SIRPB1: variants seen among roughly 807,000 people sequenced by gnomAD.
SIRPB1 encodes signal-regulatory protein beta-1.
Under a neutral mutation model 34.1 loss-of-function variants are expected in SIRPB1, and 28 were observed. The observed-to-expected ratio is 0.82, with a 90% CI of 0.61 to 1.12. The LOEUF is 1.12. Among genes scored for constraint, SIRPB1 ranks in the 50% most tolerant of loss-of-function variants. The probability of loss-of-function intolerance (pLI) is 0.00; values close to 1 mark genes in which losing one functional copy is unlikely to be tolerated. For missense variants in SIRPB1, 499 were observed against 507.0 expected, an observed-to-expected ratio of 0.98 and a Z score of 0.15; for synonymous variants, 211 against 203.8, an observed-to-expected ratio of 1.04 and a Z score of -0.30.
intron 2 of SIRPB1, among the ~76,000 whole-genome samples, chr20:1,572,666 C>T (rs1364454042): frequency 1.5e-4 from 23 of 152,050 alleles, no homozygotes; most frequent in Non-Finnish European, 1.5e-5. Context: ...CCAGACTTTA[C>T]AGATACACAG....
At chr20:1,613,664 A>G (rs1450225785) in intron 1 of SIRPB1, among the ~76,000 whole-genome samples, 4 of 152,286 alleles carry the variant, frequency 2.6e-5, no homozygotes, top group Non-Finnish European at 2.9e-5. Context: ...AGATGGTATA[A>G]TTGAAATTAT....
chr20:1,617,255 C>T (rs756686943), intron 1 of SIRPB1, among the ~76,000 whole-genome samples: 2 of 152,104 alleles, frequency 1.3e-5, no homozygotes, highest in African/African-American at 2.4e-5. Context: ...TCCATTGCAG[C>T]ATTATTTACA....
intron 4 of SIRPB1, among the ~76,000 whole-genome samples, chr20:1,569,043 G>A (rs2091185273): frequency 6.6e-6 from 1 of 152,108 alleles, no homozygotes; most frequent in Admixed American, 6.5e-5. Flanking sequence ...GGTTATGAGA[G>A]GATATTATGA....
chr20:1,617,890 T>A (rs992597900), intron 1 of SIRPB1, among the ~76,000 whole-genome samples: 4 of 152,174 alleles, frequency 2.6e-5, no homozygotes, highest in African/African-American at 9.7e-5. Context: ...AAATCTCCTG[T>A]GTGTGCATGT....
rs1485469852 is a variant in SIRPB1 at position 1,619,989 on chromosome 20, G to A, written c.-45C>T. 1.3e-6 allele frequency: 2 copies of A among 1,564,172 alleles called. No individual in the cohort carries two copies. Among genetic ancestry groups the A allele is most frequent in the South Asian group, 1.2e-5 (1 of 86,114 alleles). On this transcript the variant is annotated 5_prime_UTR_variant, in exon 1 of 6. Transcript: ENST00000381605. Reference sequence around the variant, plus strand: ...TGCTCTGTCCAAACGTCTGTGCTGGGAAGATCGCAGACTCTGCTCTGAGGA... The same window carrying A: ...TGCTCTGTCCAAACGTCTGTGCTGGAAAGATCGCAGACTCTGCTCTGAGGA...
rs1009992288 is a variant in SIRPB1, at chr20:1,562,478, C to G, written c.*3022G>C. Among the ~76,000 whole-genome samples, 1 of 151,190 alleles carries G rather than the reference C, an allele frequency of 6.6e-6. No homozygotes were observed. Among genetic ancestry groups the G allele is most frequent in the Non-Finnish European group, 1.5e-5 (1 of 67,868 alleles). On this transcript the variant is annotated 3_prime_UTR_variant, in exon 6 of 6. Coordinates refer to ENST00000381605, the MANE Select transcript of SIRPB1 (RefSeq NM_006065.5). ...CACGATATAACTGACATTCCATTTGCGTAACATAGATAAATACAGGCAGTT... is the reference window on the plus strand; with the variant it reads ...CACGATATAACTGACATTCCATTTGGGTAACATAGATAAATACAGGCAGTT...
chr20:1,578,417 G>A lies in SIRPB1; in HGVS notation c.354C>T (p.Tyr118=). The change falls in exon 2 of 6, where the codon TAC becomes TAT. Residue 118 remains tyrosine, a synonymous_variant. Coordinates refer to ENST00000381605, the MANE Select transcript of SIRPB1 (RefSeq NM_006065.5). ...SNITPADAGT[Y]YCVKFRKGSP... ...TCCCTTTCCGGAACTTCACACAGTAGTAGGTGCCGGCGTCTGCTGGGGTGA... is the reference window on the plus strand; with the variant it reads ...TCCCTTTCCGGAACTTCACACAGTAATAGGTGCCGGCGTCTGCTGGGGTGA... The A allele has an allele frequency of 1.3e-6, 2 of 1,585,564 alleles. 1 individual carries two copies. The highest frequency in any genetic ancestry group is 2.2e-5 in the South Asian group (2 of 90,516).
intron 1 of SIRPB1, among the ~76,000 whole-genome samples, chr20:1,603,521 G>A (rs2091485256): frequency 2.0e-5 from 1 of 48,952 alleles, no homozygotes; most frequent in Non-Finnish European, 3.9e-5. Flanking sequence ...GATGAGAAAC[G>A]GGAATGTAAC....
In SIRPB1 at chr20:1,578,667, A is replaced by G; in HGVS notation, c.104T>C (p.Val35Ala). The stretch of plus-strand genomic sequence containing the variant: ...TGATACGGACTTTTCAGGCTGAATC[A>G]CCTGTAGCTCGTCCTCACCTGCCAC... ...TGVAGEDELQ[V>A]IQPEKSVSVA... The change falls in exon 2 of 6, where the codon GTG (valine) becomes GCG (alanine). Residue 35 changes from valine (V) to alanine (A), a missense_variant. Physicochemically the swap from Val to Ala is moderately conservative, Grantham distance 64 (BLOSUM62 0). Coordinates refer to ENST00000381605, the MANE Select transcript of SIRPB1 (RefSeq NM_006065.5). The G allele has an allele frequency of 6.3e-7, 1 of 1,583,186 alleles. No individual in the cohort carries two copies. Among genetic ancestry groups the G allele is most frequent in the Non-Finnish European group, 8.6e-7 (1 of 1,157,108 alleles).
intron 5 of SIRPB1, 36 bp downstream of exon 5, chr20:1,566,117 G>A: frequency 1.4e-6 from 2 of 1,404,220 alleles, no homozygotes; most frequent in Non-Finnish European, 2.0e-6. Context: ...CCTTTCTGGA[G>A]GAGCCCTTGG....
rs2091092059 is a variant in SIRPB1, at chr20:1,562,903, T to C, written c.*2597A>G. Among the ~76,000 whole-genome samples, 1 of 152,056 alleles carries C rather than the reference T, an allele frequency of 6.6e-6. No homozygotes were observed. The highest frequency in any genetic ancestry group is 2.4e-5 in the African/African-American group (1 of 41,400). On this transcript the variant is annotated 3_prime_UTR_variant, in exon 6 of 6. Transcript: ENST00000381605. The stretch of plus-strand genomic sequence containing the variant: ...AGAAGTGAAAATGCTGCAAGTGAGG[T>C]TCAAATTGAATGTGAGTGGAATTCT...
At chr20:1,576,680 G>T (rs2091315260) in intron 2 of SIRPB1, among the ~76,000 whole-genome samples, 1 of 148,646 alleles carries the variant, frequency 6.7e-6, no homozygotes, top group South Asian at 2.1e-4. Context: ...GCTGAGGCGG[G>T]TGGATCACCT....
rs2091420138 is a variant in SIRPB1, at chr20:1,585,842, C to A, written c.77-7148G>T. On this transcript the variant is annotated intron_variant, in intron 1 of 5. Coordinates refer to ENST00000381605, the MANE Select transcript of SIRPB1 (RefSeq NM_006065.5). Reference sequence around the variant, plus strand: ...ACAATAGCCAAGATATGGAATCAACCTAGGTGCGTATCAACAGATAAATGG... The same window carrying A: ...ACAATAGCCAAGATATGGAATCAACATAGGTGCGTATCAACAGATAAATGG... Among the ~76,000 whole-genome samples the A allele has an allele frequency of 4.1e-5, 2 of 49,124 alleles. 1 individual carries two copies. Among genetic ancestry groups the A allele is most frequent in the Non-Finnish European group, 7.9e-5 (2 of 25,474 alleles). The allele number at this position is 49,124 out of a possible 152,430, so 32.2% of individuals were successfully genotyped here.
In SIRPB1 at chr20:1,564,658, C is replaced by A. The variant is rs2091104751; in HGVS notation, c.*842G>T. 2.9e-6 allele frequency: 1 copy of A among 346,684 alleles called. No homozygotes were observed. The highest frequency in any genetic ancestry group is 1.5e-4 in the South Asian group (1 of 6,512). The allele number at this position is 346,684 out of a possible 1,614,324, so 21.5% of individuals were successfully genotyped here. On this transcript the variant is annotated 3_prime_UTR_variant, in exon 6 of 6. Transcript: ENST00000381605. ...GCAGGCTTGGACTGGGCCCTGAAAA[C>A]CAATTGTTAAATTTCAGGAATCTTG... is the stretch of plus-strand genomic sequence containing the variant.
rs540009377 is a variant in SIRPB1, at chr20:1,577,239, A to G, written c.433+1099T>C. 1.0e-4 allele frequency among the ~76,000 whole-genome samples: 15 copies of G among 148,094 alleles called. No homozygotes were observed. The East Asian group carries it at 2.3e-3, about 23-fold the overall frequency. The stretch of plus-strand genomic sequence containing the variant: ...TTTGGGGAACTTTTATCTAGCACCT[A>G]TGATGCACCAGGCTCTTCTATGGAG... On this transcript the variant is annotated intron_variant, in intron 2 of 5. Transcript: ENST00000381605.
At position 1,614,571 on chromosome 20, in the gene SIRPB1, A is replaced by G. The variant is rs1016935750; in HGVS notation, c.76+5298T>C. Among the ~76,000 whole-genome samples, 31 of 151,476 alleles carry G rather than the reference A, an allele frequency of 2.0e-4. 1 individual carries two copies. Among genetic ancestry groups the G allele is most frequent in the Non-Finnish European group, 4.6e-4 (31 of 67,912 alleles). On this transcript the variant is annotated intron_variant, in intron 1 of 5. Coordinates refer to ENST00000381605, the MANE Select transcript of SIRPB1 (RefSeq NM_006065.5). ...GGGATCCCATCTCTCTTGCCTACCC[A>G]TCTGCTTGATTGAGCCTGCTCCTTG...
intron 1 of SIRPB1, among the ~76,000 whole-genome samples, chr20:1,580,971 C>T (rs1272548574): frequency 2.0e-5 from 1 of 49,016 alleles, no homozygotes; most frequent in Non-Finnish European, 3.9e-5. Flanking sequence ...TTCTTCCATA[C>T]AAGAGACCCT....
intron 1 of SIRPB1, among the ~76,000 whole-genome samples, chr20:1,616,121 T>C (rs191519322): frequency 6.6e-6 from 1 of 152,326 alleles, no homozygotes; most frequent in African/African-American, 2.4e-5. Context: ...ATAATTACTT[T>C]TGTTAAAAAT....
chr20:1,566,410 A>C, intron 4 of SIRPB1, 143 bp from the exon 5 acceptor site: 1 of 549,174 alleles, frequency 1.8e-6, no homozygotes, highest in African/African-American at 1.9e-5. Context: ...GGCTTTCCTG[A>C]CTCCAGCCGA....
Sources: gnomAD v4.1 joint callset for allele counts (sites outside exome capture counted in the v4.1 genomes callset) on GRCh38, gnomAD v4.1.1 for gene constraint, MANE v1.5 for transcripts, NCBI Gene and HGNC (gene_info 2026-07-23, HGNC 2026-07-21) for gene names.